Variants in RILPL1 observed in about 807,000 individuals in gnomAD.
RILPL1 encodes the protein RILP-like protein 1.
RILPL1 carries 33 observed loss-of-function variants against 50.3 expected under a neutral mutation model. The ratio of observed to expected loss-of-function variants is 0.66; its 90% CI spans 0.50 to 0.88. The LOEUF is 0.88. Among genes scored for constraint, RILPL1 ranks in the 40% least tolerant of loss-of-function variants. The pLI, the probability that RILPL1 is intolerant of heterozygous loss-of-function variation, is 0.00. For missense variants in RILPL1, 418 were observed against 542.5 expected, an observed-to-expected ratio of 0.77 and a Z score of 2.28; for synonymous variants, 205 against 228.6, an observed-to-expected ratio of 0.90 and a Z score of 0.93.
In RILPL1 at chr12:123,533,260, G is replaced by A. The variant is rs750627074; in HGVS notation, c.223C>T (p.Pro75Ser). 1.3e-6 allele frequency: 2 copies of A among 1,591,460 alleles called. No homozygotes were observed. The highest frequency in any genetic ancestry group is 1.1e-5 in the South Asian group (1 of 88,472). Reference sequence around the variant, plus strand: ...TCCAGGCGCAGCTCGTCCAGCTCGGGCGCGACGTGGTGGCGGCTGACCAGC... The same window carrying A: ...TCCAGGCGCAGCTCGTCCAGCTCGGACGCGACGTGGTGGCGGCTGACCAGC... The part of the protein sequence containing the change: ...EVLVSRHHVA[P>S]ELDELRLELD... Residue 75 changes from proline (P) to serine (S), a missense_variant, in exon 1 of 7, where the codon CCC becomes TCC. Transcript: ENST00000376874. The surrounding 1 kb of genome is among the most constrained non-coding windows in gnomAD (Gnocchi z 6.2).
At chr12:123,532,626 T>C (rs748592160) in intron 1 of RILPL1, among the ~76,000 whole-genome samples, 2 of 142,512 alleles carry the variant, frequency 1.4e-5, no homozygotes, top group African/African-American at 2.6e-5. Context: ...GGGAAGAAAG[T>C]TGCAAATATG....
At chr12:123,504,330 G>A (rs1883602201) in intron 2 of RILPL1, among the ~76,000 whole-genome samples, 2 of 151,912 alleles carry the variant, frequency 1.3e-5, no homozygotes, top group South Asian at 2.1e-4. Context: ...TTTCCCCCCC[G>A]GGTGCGCCAT....
chr12:123,478,010 TTTTTC>T (rs1410011960), intron 6 of RILPL1, among the ~76,000 whole-genome samples: 31 of 90,536 alleles, frequency 3.4e-4, no homozygotes, highest in East Asian at 7.2e-4. Flanking sequence ...TTTTTTTTTT[TTTTTC>T]AGAGACAGGT....
rs1010180733 is a variant in RILPL1, at chr12:123,532,710, G to C, written c.309+464C>G. ...CCTTTGCTCTGGGGAGACTGGGGGG[G>C]GGGGGGATGAAGAAAGGGTCCTGGG... On this transcript the variant is annotated intron_variant, in intron 1 of 6. Transcript: ENST00000376874. 2.9e-4 allele frequency among the ~76,000 whole-genome samples: 39 copies of C among 136,010 alleles called. 4 individuals carry two copies. The highest frequency in any genetic ancestry group is 9.4e-4 in the African/African-American group (36 of 38,334). 89.2% of individuals were successfully genotyped at this position (136,010 alleles called of 152,430 possible).
chr12:123,509,052 G>A (rs189356613), intron 2 of RILPL1, among the ~76,000 whole-genome samples: 30 of 152,146 alleles, frequency 2.0e-4, no homozygotes, highest in Non-Finnish European at 3.8e-4. Flanking sequence ...GCTGGAAATC[G>A]CTTCAACTCA....
In RILPL1 at chr12:123,489,129, CCAA is replaced by C. The variant is rs1235362462; in HGVS notation, c.802-3327_802-3325del. Among the ~76,000 whole-genome samples the C allele has an allele frequency of 6.6e-6, 1 of 152,170 alleles. No individual in the cohort carries two copies. Among genetic ancestry groups the C allele is most frequent in the Non-Finnish European group, 1.5e-5 (1 of 68,048 alleles). On this transcript the variant is annotated intron_variant, in intron 4 of 6. Transcript: ENST00000376874. This position sits in a 1 kb window ranked among gnomAD's most constrained non-coding sequence, Gnocchi z 4.0. ...GGAGCAACCCTGGATGTCTAGTTAT[CCAA>C]CATTTACTGAGAGCTAACTTTGTGC...
At chr12:123,495,878 G>A (rs111573220) in intron 4 of RILPL1, among the ~76,000 whole-genome samples, 11,345 of 150,240 alleles carry the variant, frequency 0.076, 1,333 homozygotes, top group African/African-American at 0.25. Context: ...ACGGGGTTTC[G>A]CCACGTTAGC....
intron 2 of RILPL1, among the ~76,000 whole-genome samples, chr12:123,520,387 C>T (rs1884955469): frequency 1.3e-5 from 2 of 152,140 alleles, no homozygotes; most frequent in African/African-American, 2.4e-5. Context: ...GGTGAAATCC[C>T]GTCTCTATTA....
intron 2 of RILPL1, among the ~76,000 whole-genome samples, chr12:123,508,012 G>C (rs1379477672): frequency 2.0e-5 from 3 of 151,716 alleles, no homozygotes; most frequent in Non-Finnish European, 4.4e-5. Context: ...GGGGGAATAG[G>C]GGGAATGGGG....
At chr12:123,475,406 G>A in intron 6 of RILPL1, 2 of 507,822 alleles carry the variant, frequency 3.9e-6, no homozygotes, top group Non-Finnish European at 3.6e-6. Context: ...TGGGCAAGGT[G>A]GTTTTAAAAC....
intron 1 of RILPL1, among the ~76,000 whole-genome samples, chr12:123,531,119 A>C (rs1474372297): frequency 6.6e-6 from 1 of 151,394 alleles, no homozygotes; most frequent in Non-Finnish European, 1.5e-5. Context: ...CTGCAGGAAA[A>C]AAAAAAAAAA....
At chr12:123,515,212 T>C (rs1159124158) in intron 2 of RILPL1, 2 of 151,928 alleles carry the variant, frequency 1.3e-5, no homozygotes, top group Non-Finnish European at 2.9e-5. Flanking sequence ...ATTTTATAAA[T>C]TAAAATACAG....
chr12:123,510,140 G>A (rs945422740), intron 2 of RILPL1, among the ~76,000 whole-genome samples: 1 of 152,210 alleles, frequency 6.6e-6, no homozygotes, highest in African/African-American at 2.4e-5. Flanking sequence ...CGGGCCCCCC[G>A]CTTGCAGTTG....
rs1260214702 is a variant in RILPL1, at chr12:123,522,563, T to C, written c.460+932A>G. Among the ~76,000 whole-genome samples the C allele has an allele frequency of 1.3e-5, 2 of 152,130 alleles. No homozygotes were observed. The highest frequency in any genetic ancestry group is 2.9e-5 in the Non-Finnish European group (2 of 68,018). ...ACATGAACTGACCCCTGTGACCTCA[T>C]TTCCAGCCTCCTGAGGCCTCAATCA... On this transcript the variant is annotated intron_variant, in intron 2 of 6. Transcript: ENST00000376874. This position sits in a 1 kb window ranked among gnomAD's most constrained non-coding sequence, Gnocchi z 4.0.
intron 5 of RILPL1, chr12:123,484,884 C>A: frequency 4.0e-6 from 1 of 250,456 alleles, no homozygotes. Context: ...GGTTTCGAGT[C>A]CTGGGTTCAA....
intron 6 of RILPL1, chr12:123,473,592 A>G (rs947219099): frequency 3.9e-5 from 6 of 152,072 alleles, no homozygotes; most frequent in African/African-American, 1.4e-4. Context: ...GGAAACATCC[A>G]TTTGCACTTT....
intron 4 of RILPL1, among the ~76,000 whole-genome samples, chr12:123,495,729 G>T (rs1882989830): frequency 7.0e-6 from 1 of 142,214 alleles, no homozygotes; most frequent in Non-Finnish European, 1.5e-5. Context: ...TGCCCAGGCT[G>T]GAGTGCAGTG....
chr12:123,492,611 G>A (rs1882771254), intron 4 of RILPL1, among the ~76,000 whole-genome samples: 1 of 152,338 alleles, frequency 6.6e-6, no homozygotes, highest in South Asian at 2.1e-4. Flanking sequence ...CAGTGACACA[G>A]CTTAGAAAGA....
intron 2 of RILPL1, among the ~76,000 whole-genome samples, chr12:123,500,966 G>A (rs181707940): frequency 6.6e-6 from 1 of 152,000 alleles, no homozygotes; most frequent in African/African-American, 2.4e-5. Flanking sequence ...AAATTAGCCG[G>A]CTATGGTGGC....
Sources: gnomAD v4.1 joint callset for allele counts (sites outside exome capture counted in the v4.1 genomes callset) on GRCh38, gnomAD v4.1.1 for gene constraint, Gnocchi (gnomAD v3.1) non-coding constraint, MANE v1.5 for transcripts, NCBI Gene and HGNC (gene_info 2026-07-23, HGNC 2026-07-21) for gene names.